FXN: variants seen among roughly 807,000 people sequenced by gnomAD.
FXN encodes the protein frataxin, mitochondrial.
FXN carries 14 observed loss-of-function variants against 22.4 expected under a neutral mutation model. The ratio of observed to expected loss-of-function variants is 0.62; its 90% CI spans 0.41 to 0.98. FXN has a LOEUF of 0.98. FXN is among the 50% of genes least tolerant of loss of function. The pLI is 0.00. For missense variants in FXN, 267 were observed against 268.4 expected (o/e 0.99, Z 0.04); for synonymous variants, 120 against 114.1 (o/e 1.05, Z -0.33).
Position 69,042,338 on chromosome 9 carries a change from C to T in FXN, c.166-4047C>T, listed in dbSNP as rs577976367. Among the ~76,000 whole-genome samples the T allele has an allele frequency of 1.4e-4, 22 of 152,018 alleles. No individual in the cohort carries two copies. The South Asian group carries it at 3.3e-3, about 23-fold the overall frequency. Reference sequence around the variant, plus strand: ...GAATGGAGCCTCCCTTAGGCAGAGGCGGAAGTTTGCCTCTCACCTAGTTCT... The same window carrying T: ...GAATGGAGCCTCCCTTAGGCAGAGGTGGAAGTTTGCCTCTCACCTAGTTCT... On this transcript the variant is annotated intron_variant, in intron 1 of 4. Coordinates refer to ENST00000484259, the MANE Select transcript of FXN (RefSeq NM_000144.5).
chr9:69,040,403 T>C (rs1357450830), intron 1 of FXN, among the ~76,000 whole-genome samples: 3 of 152,166 alleles, frequency 2.0e-5, no homozygotes, highest in South Asian at 2.1e-4. Flanking sequence ...GCGCGGTGGC[T>C]CACGCCTGTA....
In FXN at chr9:69,076,839, G is replaced by A. The variant is rs185073365; in HGVS notation, c.*4077G>A. The A allele has an allele frequency of 1.0e-6, 1 of 985,438 alleles. No homozygotes were observed. The highest frequency in any genetic ancestry group is 1.7e-5 in the African/African-American group (1 of 57,376). The allele number at this position is 985,438 out of a possible 1,614,324, so 61.0% of individuals were successfully genotyped here. On this transcript the variant is annotated 3_prime_UTR_variant, in exon 5 of 5. Transcript: ENST00000484259. The stretch of plus-strand genomic sequence containing the variant: ...GCCAGCAAGGGAGAAAGGGGAAGGA[G>A]GGGCAAAGTTTTGAAATTTCATGTA...
chr9:69,053,315 C>T (rs1213589936), intron 3 of FXN, 55 bp downstream of exon 3: 1 of 1,589,678 alleles, frequency 6.3e-7, no homozygotes, highest in Non-Finnish European at 8.6e-7. Flanking sequence ...TTTTAGTTCA[C>T]TAAAATGAAG....
At position 69,073,479 on chromosome 9, in the gene FXN, C is replaced by T; in HGVS notation, c.*717C>T. On this transcript the variant is annotated 3_prime_UTR_variant, in exon 5 of 5. Transcript: ENST00000484259. ...AAGAATGCAAAAAATCTTCCAAAGA[C>T]AAGAAAAGAGGAAAAAAAGCCGTTT... The T allele has an allele frequency of 6.1e-6, 6 of 985,092 alleles. No individual in the cohort carries two copies. The highest frequency in any genetic ancestry group is 7.2e-6 in the Non-Finnish European group (6 of 829,918). The allele number at this position is 985,092 out of a possible 1,614,324, so 61.0% of individuals were successfully genotyped here.
chr9:69,054,661 C>CA (rs143323513), intron 3 of FXN, among the ~76,000 whole-genome samples: 1 of 152,176 alleles, frequency 6.6e-6, no homozygotes, highest in Non-Finnish European at 1.5e-5. Flanking sequence ...CACACGCCCC[C>CA]ACACCCAGCT....
chr9:69,078,370 C>A lies in FXN; in HGVS notation c.*5608C>A. On this transcript the variant is annotated 3_prime_UTR_variant, in exon 5 of 5. Transcript: ENST00000484259. ...AAACATCCCTTAAATCTGCCCTCTC[C>A]TGCCCGTCCCCAGTGGAGGTCCTCA... is the stretch of plus-strand genomic sequence containing the variant. The A allele has an allele frequency of 8.1e-6, 8 of 985,498 alleles. No individual in the cohort carries two copies. Among genetic ancestry groups the A allele is most frequent in the Non-Finnish European group, 9.6e-6 (8 of 829,970 alleles). The allele number at this position is 985,498 out of a possible 1,614,324, so 61.0% of individuals were successfully genotyped here. A position where few individuals can be genotyped will look rare whatever the true frequency, so the allele number is the denominator to read the frequency against.
intron 3 of FXN, among the ~76,000 whole-genome samples, chr9:69,055,458 A>C (rs370990714): frequency 2.6e-5 from 4 of 151,796 alleles, no homozygotes; most frequent in Admixed American, 6.6e-5. Flanking sequence ...AAATGTGCCA[A>C]TATTCTAGCA....
In FXN at chr9:69,042,641, C is replaced by T. The variant is rs113569157; in HGVS notation, c.166-3744C>T. 3.5e-3 allele frequency among the ~76,000 whole-genome samples: 527 copies of T among 152,256 alleles called. 4 individuals carry two copies. Among genetic ancestry groups the T allele is most frequent in the African/African-American group, 0.012 (490 of 41,562 alleles). ...TCTACTTGTGCCTTTGAAGGAGTAA[C>T]TGCATTTGACCTTCCCACCAGTAAC... On this transcript the variant is annotated intron_variant, in intron 1 of 4. Coordinates refer to ENST00000484259, the MANE Select transcript of FXN (RefSeq NM_000144.5).
At chr9:69,040,524 C>T (rs757420512) in intron 1 of FXN, among the ~76,000 whole-genome samples, 6 of 151,950 alleles carry the variant, frequency 3.9e-5, no homozygotes, top group Non-Finnish European at 5.9e-5. Flanking sequence ...AAAAATTAGC[C>T]GGGCGTGGTG....
At position 69,076,893 on chromosome 9, in the gene FXN, A is replaced by T; in HGVS notation, c.*4131A>T. 4 of 985,448 alleles carry T rather than the reference A, an allele frequency of 4.1e-6. No individual in the cohort carries two copies. The highest frequency in any genetic ancestry group is 4.8e-6 in the Non-Finnish European group (4 of 829,952). The allele number at this position is 985,448 out of a possible 1,614,324, so 61.0% of individuals were successfully genotyped here. On this transcript the variant is annotated 3_prime_UTR_variant, in exon 5 of 5. Transcript: ENST00000484259. ...TTATGCTGTTCAAAACGACGAGTTC[A>T]TGACTTTGTGTATAGAGTAAGAAAT...
chr9:69,037,330 G>GTGTCGCGCGCC (rs1831579739), intron 1 of FXN, among the ~76,000 whole-genome samples: 1 of 142,762 alleles, frequency 7.0e-6, no homozygotes, highest in Non-Finnish European at 1.6e-5. Flanking sequence ...GCCGGGCGTG[G>GTGTCGCGCGCC]TGTCGCGCGC....
chr9:69,074,628 A>G lies in FXN; in HGVS notation c.*1866A>G. The G allele has an allele frequency of 1.0e-6, 1 of 985,238 alleles. No homozygotes were observed. Among genetic ancestry groups the G allele is most frequent in the Non-Finnish European group, 1.2e-6 (1 of 829,846 alleles). The allele number at this position is 985,238 out of a possible 1,614,324, so 61.0% of individuals were successfully genotyped here. On this transcript the variant is annotated 3_prime_UTR_variant, in exon 5 of 5. Transcript: ENST00000484259. ...CATTCCATTAAGTCAAGCTGGGAGC[A>G]GTGGCATATACCTATAGTCCCAGCT...
chr9:69,058,281 C>G (rs1196022683), intron 3 of FXN, among the ~76,000 whole-genome samples: 7 of 152,256 alleles, frequency 4.6e-5, no homozygotes, highest in Non-Finnish European at 8.8e-5. Context: ...TCTACCAGAG[C>G]TGAAAGGACC....
chr9:69,060,392 C>T (rs1277632750), intron 3 of FXN, among the ~76,000 whole-genome samples: 1 of 151,804 alleles, frequency 6.6e-6, no homozygotes, highest in African/African-American at 2.4e-5. Context: ...AAAGACTCAC[C>T]AGCTGTGGCC....
At chr9:69,056,789 C>A (rs1331219300) in intron 3 of FXN, among the ~76,000 whole-genome samples, 1 of 150,294 alleles carries the variant, frequency 6.7e-6, no homozygotes, top group East Asian at 1.9e-4. Context: ...GTTGCCCAGG[C>A]TGGAGTGTAG....
In FXN at chr9:69,073,772, A is replaced by G. The variant is rs556222145; in HGVS notation, c.*1010A>G. ...GTCCTGTCAAGCAACCTAACAGGCT[A>G]GTTCTAATTCCCTATTGGGTAGATG... On this transcript the variant is annotated 3_prime_UTR_variant, in exon 5 of 5. Transcript: ENST00000484259. 350 of 985,330 alleles carry G rather than the reference A, an allele frequency of 3.6e-4. No individual in the cohort carries two copies. Among genetic ancestry groups the G allele is most frequent in the Admixed American group, 5.5e-4 (9 of 16,268 alleles). 61.0% of individuals were successfully genotyped at this position (985,330 alleles called of 1,614,324 possible).
intron 2 of FXN, among the ~76,000 whole-genome samples, chr9:69,049,848 CTG>C (rs1368885439): frequency 1.3e-5 from 2 of 152,106 alleles, no homozygotes; most frequent in Non-Finnish European, 2.9e-5. Flanking sequence ...CTTTCTGTCT[CTG>C]TGGATTTAAA....
At chr9:69,072,102 T>C (rs1832286742) in intron 4 of FXN, among the ~76,000 whole-genome samples, 2 of 152,238 alleles carry the variant, frequency 1.3e-5, no homozygotes, top group South Asian at 4.1e-4. Flanking sequence ...GCACTGGGTC[T>C]CCTTTTGGGG....
intron 1 of FXN, among the ~76,000 whole-genome samples, chr9:69,044,516 GTAAC>G (rs1831712246): frequency 6.6e-6 from 1 of 152,166 alleles, no homozygotes; most frequent in African/African-American, 2.4e-5. Context: ...CTCAAGAGCA[GTAAC>G]TAACAGTCTC....
Sources: allele counts gnomAD v4.1 joint callset (sites outside exome capture counted in the v4.1 genomes callset), GRCh38; gene constraint gnomAD v4.1.1; transcripts MANE v1.5; gene names NCBI Gene and HGNC (gene_info 2026-07-23, HGNC 2026-07-21).